PLXNA4: variants seen among roughly 807,000 people sequenced by gnomAD.
PLXNA4 encodes plexin A4.
A neutral mutation model predicts 191.8 loss-of-function variants in PLXNA4; 44 were observed. The ratio of observed to expected loss-of-function variants is 0.23; its 90% confidence interval spans 0.18 to 0.29. The LOEUF is 0.29. Ranked by LOEUF, PLXNA4 falls within the 10% of genes least tolerant of loss-of-function variation. The probability of loss-of-function intolerance (pLI) is 1.00; values close to 1 mark genes in which losing one functional copy is unlikely to be tolerated. For missense variants in PLXNA4, 1,800 were observed against 2,488.8 expected (o/e 0.72, Z 5.89); for synonymous variants, 1,082 against 1,009.5 (o/e 1.07, Z -1.36).
intron 2 of PLXNA4, among the ~76,000 whole-genome samples, chr7:132,628,875 G>C (rs1035682703): frequency 6.6e-6 from 1 of 152,038 alleles, no homozygotes; most frequent in Non-Finnish European, 1.5e-5. Context: ...TCTACACTAC[G>C]CCTTGCATTC....
At chr7:132,634,462 G>GCACACACACA (rs146537137) in intron 2 of PLXNA4, among the ~76,000 whole-genome samples, 2 of 146,542 alleles carry the variant, frequency 1.4e-5, no homozygotes, top group Admixed American at 1.3e-4. Flanking sequence ...CACTGCCCCA[G>GCACACACACA]CACACACACA....
intron 3 of PLXNA4, among the ~76,000 whole-genome samples, chr7:132,431,907 T>G (rs1204722673): frequency 6.6e-6 from 1 of 152,206 alleles, no homozygotes; most frequent in Non-Finnish European, 1.5e-5. Flanking sequence ...GAGACGAGGA[T>G]AGGACCTCGC....
At chr7:132,205,311 G>A (rs1420629130) in intron 10 of PLXNA4, among the ~76,000 whole-genome samples, 2 of 152,192 alleles carry the variant, frequency 1.3e-5, no homozygotes, top group East Asian at 3.9e-4. Flanking sequence ...CAGATTCCAG[G>A]GCCCATCCCA....
intron 1 of PLXNA4, among the ~76,000 whole-genome samples, chr7:132,531,644 C>G (rs911882647): frequency 3.3e-5 from 5 of 152,300 alleles, no homozygotes; most frequent in Admixed American, 6.5e-5. Flanking sequence ...GTTTTAGAAC[C>G]GCTGTAATAG....
At chr7:132,343,963 GAGAGCAAACACTTAGTTT>G (rs1233700660) in intron 3 of PLXNA4, among the ~76,000 whole-genome samples, 3 of 152,178 alleles carry the variant, frequency 2.0e-5, no homozygotes, top group Non-Finnish European at 4.4e-5. Context: ...CTACCTCTCT[GAGAGCAAACACTTAGTTT>G]AGAGCAAACA....
intron 13 of PLXNA4, 146 bp from the exon 14 acceptor site, chr7:132,194,325 C>T (rs1440984461): frequency 3.0e-6 from 4 of 1,330,906 alleles, no homozygotes; most frequent in African/African-American, 1.5e-5. Context: ...ATCCTAATTC[C>T]TCCTAGCAGG....
chr7:132,406,530 C>T (rs891711105), intron 3 of PLXNA4, among the ~76,000 whole-genome samples: 8 of 152,186 alleles, frequency 5.3e-5, no homozygotes, highest in Admixed American at 5.2e-4. Context: ...AGGGCTTCTC[C>T]TTTGGCCTCC....
chr7:132,257,538 A>G (rs10241293), intron 4 of PLXNA4, among the ~76,000 whole-genome samples: 109,511 of 152,120 alleles, frequency 0.72, 40,403 homozygotes, highest in African/African-American at 0.89. Flanking sequence ...CAGGGGCTGC[A>G]GACTTCAGGG....
At chr7:132,180,206 C>G (rs1440463948) in intron 19 of PLXNA4, among the ~76,000 whole-genome samples, 1 of 152,176 alleles carries the variant, frequency 6.6e-6, no homozygotes, top group African/African-American at 2.4e-5. Flanking sequence ...CAGTCTGCCA[C>G]AAATGACTGG....
At chr7:132,357,120 C>A (rs1803740332) in intron 3 of PLXNA4, among the ~76,000 whole-genome samples, 1 of 152,220 alleles carries the variant, frequency 6.6e-6, no homozygotes, top group South Asian at 2.1e-4. Flanking sequence ...GACCCAAAAG[C>A]CTGGAAAAAA....
chr7:132,177,083 ATGAGTGTATGTCAG>A (rs1562899699), intron 20 of PLXNA4, among the ~76,000 whole-genome samples: 1 of 151,540 alleles, frequency 6.6e-6, no homozygotes, highest in Non-Finnish European at 1.5e-5. Flanking sequence ...GTGTGAGCAC[ATGAGTGTATGTCAG>A]TGAGTGTATG....
At chr7:132,303,701 C>T (rs1362417283) in intron 3 of PLXNA4, among the ~76,000 whole-genome samples, 1 of 152,206 alleles carries the variant, frequency 6.6e-6, no homozygotes, top group African/African-American at 2.4e-5. Context: ...CGGAGCGACA[C>T]ATCCCACACC....
intron 3 of PLXNA4, among the ~76,000 whole-genome samples, chr7:132,470,099 G>A (rs1796877780): frequency 6.6e-6 from 1 of 152,202 alleles, no homozygotes; most frequent in Admixed American, 6.5e-5. Context: ...AGTTTTTTAT[G>A]CCCAAAGCTC....
chr7:132,255,082 CA>C (rs1799389057), intron 4 of PLXNA4, among the ~76,000 whole-genome samples: 1 of 152,120 alleles, frequency 6.6e-6, no homozygotes. Context: ...CCCCCAATAC[CA>C]AAATGCCATT....
At chr7:132,384,229 G>C (rs80190751) in intron 3 of PLXNA4, 1 of 985,258 alleles carries the variant, frequency 1.0e-6, no homozygotes, top group African/African-American at 1.7e-5. Context: ...TTAGTGTGGT[G>C]GTTCTTAGCA....
intron 4 of PLXNA4, among the ~76,000 whole-genome samples, chr7:132,262,618 G>T (rs1305562582): frequency 6.6e-6 from 1 of 152,108 alleles, no homozygotes; most frequent in Admixed American, 6.5e-5. Flanking sequence ...TACATGTCAG[G>T]TTCCCATGGC....
chr7:132,235,147 A>C (rs1481407938), intron 5 of PLXNA4, among the ~76,000 whole-genome samples: 1 of 152,104 alleles, frequency 6.6e-6, no homozygotes, highest in Non-Finnish European at 1.5e-5. Flanking sequence ...GGAGGAGAGG[A>C]ATGGAAGGGG....
chr7:132,550,666 CT>C (rs1800522442), intron 1 of PLXNA4, among the ~76,000 whole-genome samples: 1 of 152,228 alleles, frequency 6.6e-6, no homozygotes, highest in South Asian at 2.1e-4. Context: ...CTGTCCTCCC[CT>C]CCCTCAAGGC....
intron 12 of PLXNA4, 100 bp downstream of exon 12, chr7:132,202,546 A>G (rs986823514): frequency 1.6e-6 from 2 of 1,274,560 alleles, no homozygotes; most frequent in African/African-American, 3.1e-5. Flanking sequence ...CCCAGTGACT[A>G]CTGGGTGACC....
Sources: allele counts gnomAD v4.1 joint callset (sites outside exome capture counted in the v4.1 genomes callset), GRCh38; gene constraint gnomAD v4.1.1; transcripts MANE v1.5; gene names NCBI Gene and HGNC (gene_info 2026-07-23, HGNC 2026-07-21).